Variants in ATG16L1 observed in about 807,000 individuals in gnomAD.
The protein encoded by ATG16L1 is autophagy related 16 like 1.
In ATG16L1, 37 loss-of-function variants were observed where a neutral mutation model predicts 88.5. That is an observed-to-expected ratio of 0.42 (90% CI 0.32 to 0.55). ATG16L1 has a LOEUF of 0.55. Among genes scored for constraint, ATG16L1 ranks in the 20% least tolerant of loss-of-function variants. The probability of loss-of-function intolerance (pLI) is 0.13; values close to 1 mark genes in which losing one functional copy is unlikely to be tolerated. For missense variants in ATG16L1, 554 were observed against 752.8 expected (o/e 0.74, Z 3.09); for synonymous variants, 301 against 281.0 (o/e 1.07, Z -0.71).
rs1351141002 is a variant in ATG16L1 at position 233,264,068 on chromosome 2, G to A, written c.389+3G>A. On this transcript the variant is annotated splice_donor_region_variant and intron_variant, in intron 4 of 17. Transcript: ENST00000392017. ...GAGATGCAGATGAATGAAGCAAAGTGAGTAGAGACCCCGCCTCCTTGGAGC... is the reference window on the plus strand; with the variant it reads ...GAGATGCAGATGAATGAAGCAAAGTAAGTAGAGACCCCGCCTCCTTGGAGC... The A allele has an allele frequency of 6.2e-7, 1 of 1,613,990 alleles. No individual in the cohort carries two copies. The highest frequency in any genetic ancestry group is 8.5e-7 in the Non-Finnish European group (1 of 1,179,898).
In ATG16L1 at chr2:233,253,332, G is replaced by GTTTTTTTTT. The variant is rs570754671; in HGVS notation, c.115+1397_115+1398insTTTTTTTTT. ...CACAGCAGGTTAATGGTGAGACTGG[G>GTTTTTTTTT]TTTTTTTGTTTTTTTTTTTTTTTTT... On this transcript the variant is annotated intron_variant, in intron 1 of 17. Transcript: ENST00000392017. 1.1e-3 allele frequency among the ~76,000 whole-genome samples: 123 copies of GTTTTTTTTT among 112,900 alleles called. 15 individuals are homozygous for GTTTTTTTTT. Among genetic ancestry groups the GTTTTTTTTT allele is most frequent in the African/African-American group, 3.4e-3 (103 of 30,120 alleles). 74.1% of individuals were successfully genotyped at this position (112,900 alleles called of 152,430 possible). A position where few individuals can be genotyped will look rare whatever the true frequency, so the allele number is the denominator to read the frequency against.
Position 233,264,962 on chromosome 2 carries a change from G to A in ATG16L1, c.460G>A (p.Asp154Asn). 1.9e-6 allele frequency: 3 copies of A among 1,614,092 alleles called. No individual in the cohort carries two copies. The highest frequency in any genetic ancestry group is 2.5e-6 in the Non-Finnish European group (3 of 1,179,982). ...ECLDLRTKLC[D>N]LERANQTLKD... ...CCTAGACCTGCGCACTAAGCTTTGT[G>A]ACCTTGAAAGAGCCAACCAGACCCT... is the stretch of plus-strand genomic sequence containing the variant. The change falls in exon 5 of 18, where the codon GAC (aspartate) becomes AAC (asparagine). Residue 154 changes from aspartate to asparagine, a missense_variant. Transcript: ENST00000392017.
At position 233,271,466 on chromosome 2, in the gene ATG16L1, T is replaced by TG. The variant is rs1357244039; in HGVS notation, c.707+1403dup. 2.6e-5 allele frequency among the ~76,000 whole-genome samples: 4 copies of TG among 152,244 alleles called. No individual in the cohort carries two copies. The South Asian group carries it at 8.3e-4, about 32-fold the overall frequency. On this transcript the variant is annotated intron_variant, in intron 6 of 17. Coordinates refer to ENST00000392017, the MANE Select transcript of ATG16L1 (RefSeq NM_030803.7). ...GCTAATTTTGTATTTTTAGTAGAGA[T>TG]GGGGTTTCTCCATGTTGGTCAGGCT...
At chr2:233,261,664 G>A (rs1239321237) in intron 2 of ATG16L1, among the ~76,000 whole-genome samples, 1 of 108,416 alleles carries the variant, frequency 9.2e-6, no homozygotes, top group Non-Finnish European at 2.2e-5. Flanking sequence ...CTCATCGGAT[G>A]TTGGATGAGA....
In ATG16L1 at chr2:233,253,559, G is replaced by A. The variant is rs571807341; in HGVS notation, c.115+1617G>A. On this transcript the variant is annotated intron_variant, in intron 1 of 17. Transcript: ENST00000392017. ...CAGGGTTTCACCATGTTGGCCAGGC[G>A]GATCTTGAACTTCTGACCTCAGGTG... Among the ~76,000 whole-genome samples the A allele has an allele frequency of 9.9e-4, 150 of 151,836 alleles. 1 individual carries two copies. Among genetic ancestry groups the A allele is most frequent in the South Asian group, 4.2e-3 (20 of 4,792 alleles).
chr2:233,270,452 C>T (rs527265207), intron 6 of ATG16L1, among the ~76,000 whole-genome samples: 2 of 152,206 alleles, frequency 1.3e-5, no homozygotes, highest in Non-Finnish European at 2.9e-5. Flanking sequence ...TGGGTCAAAG[C>T]TTTTGGAACA....
chr2:233,289,377 A>ATGTGTGTGTGTG (rs56993445), intron 12 of ATG16L1, among the ~76,000 whole-genome samples: 2,767 of 129,076 alleles, frequency 0.021, 54 homozygotes, highest in South Asian at 0.035. Flanking sequence ...CCTGTTTGGG[A>ATGTGTGTGTGTG]TGTGTGTGTG....
intron 11 of ATG16L1, among the ~76,000 whole-genome samples, chr2:233,282,165 C>G (rs1698759737): frequency 6.6e-6 from 1 of 152,200 alleles, no homozygotes; most frequent in Non-Finnish European, 1.5e-5. Flanking sequence ...GGAACTGTGA[C>G]AGTGCTGAAG....
chr2:233,295,190 C>T lies in ATG16L1; in HGVS notation c.*840C>T, dbSNP rs1192398322. 1 of 152,766 alleles carries T rather than the reference C, an allele frequency of 6.5e-6. No homozygotes were observed. The highest frequency in any genetic ancestry group is 2.4e-5 in the African/African-American group (1 of 41,436). The allele number at this position is 152,766 out of a possible 1,614,324, so 9.5% of individuals were successfully genotyped here. A position where few individuals can be genotyped will look rare whatever the true frequency, so the allele number is the denominator to read the frequency against. On this transcript the variant is annotated 3_prime_UTR_variant, in exon 18 of 18. Coordinates refer to ENST00000392017, the MANE Select transcript of ATG16L1 (RefSeq NM_030803.7). Reference sequence around the variant, plus strand: ...AAGGTGGTGATTCTGGCCATGGCCCCTCTGCCAAGCCTGTGTGCGATGCCC... The same window carrying T: ...AAGGTGGTGATTCTGGCCATGGCCCTTCTGCCAAGCCTGTGTGCGATGCCC...
rs10676895 is a variant in ATG16L1, at chr2:233,286,621, C to CTTTTT, written c.1204-3215_1204-3211dup. ...AGAATAAGGTGAGCAGAAGCCCAAA[C>CTTTTT]TTTTTTTTTTTTTTTTTTTTTTGAG... On this transcript the variant is annotated intron_variant, in intron 12 of 17. Transcript: ENST00000392017. Among the ~76,000 whole-genome samples the CTTTTT allele has an allele frequency of 9.8e-4, 91 of 93,282 alleles. 2 individuals are homozygous for CTTTTT. The highest frequency in any genetic ancestry group is 1.5e-3 in the Non-Finnish European group (73 of 50,092). 61.2% of individuals were successfully genotyped at this position (93,282 alleles called of 152,430 possible). A position where few individuals can be genotyped will look rare whatever the true frequency, so the allele number is the denominator to read the frequency against.
At chr2:233,290,916 G>A (rs941233818) in intron 14 of ATG16L1, among the ~76,000 whole-genome samples, 3 of 152,230 alleles carry the variant, frequency 2.0e-5, no homozygotes, top group South Asian at 2.1e-4. Flanking sequence ...CTTGTAAGTC[G>A]TTGGGTGTTT....
chr2:233,253,082 T>C (rs1696496356), intron 1 of ATG16L1, among the ~76,000 whole-genome samples: 1 of 152,068 alleles, frequency 6.6e-6, no homozygotes, highest in South Asian at 2.1e-4. Context: ...TCAGTGTGTG[T>C]GTGTTTGTGT....
intron 14 of ATG16L1, among the ~76,000 whole-genome samples, chr2:233,291,121 A>G (rs767424537): frequency 6.6e-4 from 101 of 152,264 alleles, no homozygotes; most frequent in Non-Finnish European, 1.1e-3. Context: ...GAAGGGGAAG[A>G]CAGGATGGAG....
chr2:233,253,404 G>T (rs79215703), intron 1 of ATG16L1, among the ~76,000 whole-genome samples: 2,622 of 135,202 alleles, frequency 0.019, 81 homozygotes, highest in African/African-American at 0.068. Context: ...GAGTGCAAGT[G>T]GCGTGATCTC....
At chr2:233,282,812 C>A in intron 12 of ATG16L1, 59 bp downstream of exon 12, 1 of 1,485,578 alleles carries the variant, frequency 6.7e-7, no homozygotes, top group Non-Finnish European at 9.4e-7. Context: ...GTTATCAAGG[C>A]ACAAACTGGC....
Position 233,279,671 on chromosome 2 carries a change from C to T in ATG16L1, c.1061-1434C>T, listed in dbSNP as rs1179457522. Among the ~76,000 whole-genome samples the T allele has an allele frequency of 2.6e-5, 4 of 152,288 alleles. No individual in the cohort carries two copies. The East Asian group carries it at 5.8e-4, about 22-fold the overall frequency. On this transcript the variant is annotated intron_variant, in intron 10 of 17. Transcript: ENST00000392017. ...TATCAGAAGAATCACACTTTCTACC[C>T]AGTGGGAACATCTGTTTTTGCTCAT...
chr2:233,264,794 G>A, intron 4 of ATG16L1, 98 bp from the exon 5 acceptor site: 2 of 1,493,702 alleles, frequency 1.3e-6, no homozygotes, highest in East Asian at 2.3e-5. Flanking sequence ...AAAAGATGTT[G>A]TAACAGACAC....
chr2:233,256,743 G>A (rs1238355023), intron 2 of ATG16L1, among the ~76,000 whole-genome samples: 9 of 149,298 alleles, frequency 6.0e-5, no homozygotes, highest in South Asian at 4.2e-4. Context: ...CACCCAGGCC[G>A]GAGTACAGTG....
chr2:233,290,492 T>G, intron 14 of ATG16L1, 139 bp downstream of exon 14: 1 of 692,268 alleles, frequency 1.4e-6, no homozygotes, highest in Non-Finnish European at 2.5e-6. Context: ...TATTAACACT[T>G]GGCTGTTCTT....
Sources: allele counts gnomAD v4.1 joint callset (sites outside exome capture counted in the v4.1 genomes callset), GRCh38; gene constraint gnomAD v4.1.1; transcripts MANE v1.5; gene names NCBI Gene and HGNC (gene_info 2026-07-23, HGNC 2026-07-21).